The following SLC13A1 variants were observed in gnomAD, a reference collection of about 807,000 sequenced individuals.
The protein encoded by SLC13A1 is solute carrier family 13 member 1.
Under a neutral mutation model 70.0 loss-of-function variants are expected in SLC13A1, and 65 were observed. That is an observed-to-expected ratio of 0.93 (90% CI 0.76 to 1.14). The LOEUF (loss-of-function observed/expected upper bound fraction) is 1.14, where lower values mean the gene tolerates loss of function less well. SLC13A1 is among the 50% of genes most tolerant of loss of function. SLC13A1 has a pLI of 0.00. For missense variants in SLC13A1, 726 were observed against 717.8 expected (o/e 1.01, Z -0.13); for synonymous variants, 275 against 250.5 (o/e 1.10, Z -0.92).
intron 7 of SLC13A1, among the ~76,000 whole-genome samples, chr7:123,145,784 C>G (rs1794329479): frequency 6.6e-6 from 1 of 152,096 alleles, no homozygotes; most frequent in Non-Finnish European, 1.5e-5. Context: ...ACTCCTATAC[C>G]AGTGTTCGTT....
chr7:123,197,962 A>G (rs1329484424), intron 1 of SLC13A1, among the ~76,000 whole-genome samples: 2 of 152,168 alleles, frequency 1.3e-5, no homozygotes, highest in African/African-American at 4.8e-5. Flanking sequence ...AGAGCAGCAC[A>G]GATGATATGT....
intron 12 of SLC13A1, among the ~76,000 whole-genome samples, chr7:123,121,216 A>C (rs1033340391): frequency 6.6e-6 from 1 of 152,028 alleles, no homozygotes; most frequent in African/African-American, 2.4e-5. Context: ...TGGGGAAAGC[A>C]TCTGGGAAGC....
chr7:123,142,206 C>A lies in SLC13A1; in HGVS notation c.812+4953G>T, dbSNP rs539095040. ...CCTTTCCAAAGGCAGTGAAAGCTCA[C>A]CCCGTGTCCACTGCCACCACAGATC... On this transcript the variant is annotated intron_variant, in intron 7 of 14. Coordinates refer to ENST00000194130, the MANE Select transcript of SLC13A1 (RefSeq NM_022444.4). 2.6e-5 allele frequency among the ~76,000 whole-genome samples: 4 copies of A among 152,260 alleles called. No homozygotes were observed. In the South Asian group the frequency reaches 8.3e-4, roughly 32 times the overall value.
chr7:123,155,572 C>A (rs536109856), intron 6 of SLC13A1, among the ~76,000 whole-genome samples: 1 of 152,000 alleles, frequency 6.6e-6, no homozygotes, highest in Non-Finnish European at 1.5e-5. Context: ...ATAATTGAGG[C>A]TTTCATCAGA....
At chr7:123,166,775 T>C (rs906679417) in intron 6 of SLC13A1, among the ~76,000 whole-genome samples, 13 of 152,210 alleles carry the variant, frequency 8.5e-5, no homozygotes, top group Non-Finnish European at 1.3e-4. Flanking sequence ...CCACATTTTC[T>C]TAATCCAGTC....
chr7:123,178,557 C>G (rs1228691424), intron 2 of SLC13A1, among the ~76,000 whole-genome samples: 6 of 152,102 alleles, frequency 3.9e-5, no homozygotes, highest in Non-Finnish European at 7.4e-5. Context: ...ATCCCACTTA[C>G]AGATGATAAG....
chr7:123,158,528 A>G (rs1192691482), intron 6 of SLC13A1, among the ~76,000 whole-genome samples: 3 of 152,144 alleles, frequency 2.0e-5, no homozygotes, highest in African/African-American at 7.2e-5. Context: ...GAGAACTAGG[A>G]TGAGGCAATT....
intron 6 of SLC13A1, among the ~76,000 whole-genome samples, chr7:123,153,441 G>GC (rs1245866506): frequency 6.6e-6 from 1 of 151,930 alleles, no homozygotes; most frequent in Non-Finnish European, 1.5e-5. Context: ...TTTTAATCTA[G>GC]CCAGTAAACA....
chr7:123,126,074 A>G, intron 10 of SLC13A1, among the ~76,000 whole-genome samples: 1 of 152,222 alleles, frequency 6.6e-6, no homozygotes, highest in East Asian at 1.9e-4. Context: ...AAAGCCCCAT[A>G]TAATTGATTT....
chr7:123,135,850 A>G (rs1409647534), intron 7 of SLC13A1, among the ~76,000 whole-genome samples: 1 of 152,222 alleles, frequency 6.6e-6, no homozygotes, highest in East Asian at 1.9e-4. Context: ...ATTAGCTTAC[A>G]TATTTATGCA....
intron 11 of SLC13A1, among the ~76,000 whole-genome samples, chr7:123,123,453 G>A (rs1474220184): frequency 6.6e-6 from 1 of 151,900 alleles, no homozygotes; most frequent in Non-Finnish European, 1.5e-5. Context: ...AAAATCCTTT[G>A]GGTAATATTA....
At chr7:123,170,881 GATA>G (rs759437899) in intron 3 of SLC13A1, among the ~76,000 whole-genome samples, 31 of 151,464 alleles carry the variant, frequency 2.0e-4, no homozygotes, top group Non-Finnish European at 3.8e-4. Context: ...GCCCGGCCGA[GATA>G]ATGTCTTAAA....
intron 14 of SLC13A1, 133 bp downstream of exon 14, chr7:123,117,338 C>T (rs1793212884): frequency 2.4e-6 from 2 of 822,604 alleles, no homozygotes; most frequent in South Asian, 1.7e-5. Flanking sequence ...GTCATGCACA[C>T]TGCATTCATA....
chr7:123,138,129 G>T (rs1248052698), intron 7 of SLC13A1, among the ~76,000 whole-genome samples: 1 of 152,030 alleles, frequency 6.6e-6, no homozygotes, highest in African/African-American at 2.4e-5. Flanking sequence ...TAGTTCATTT[G>T]TTTTAATTTT....
At chr7:123,194,514 A>G (rs1350971665) in intron 1 of SLC13A1, among the ~76,000 whole-genome samples, 1 of 152,144 alleles carries the variant, frequency 6.6e-6, no homozygotes, top group Non-Finnish European at 1.5e-5. Context: ...GAACCATTGA[A>G]AAATTTTGAT....
At chr7:123,159,834 C>A (rs1461302564) in intron 6 of SLC13A1, among the ~76,000 whole-genome samples, 1 of 151,964 alleles carries the variant, frequency 6.6e-6, no homozygotes, top group Non-Finnish European at 1.5e-5. Flanking sequence ...AGAGGTAAAA[C>A]TTTTCAAACA....
rs187632799 is a variant in SLC13A1, at chr7:123,147,245, C to T, written c.726G>A (p.Leu242=). Reference sequence around the variant, plus strand: ...CAATGGTAGAAGAGTAGGCAATGCACAAACACGTAAGTTTACGTGTCACGT... The same window carrying T: ...CAATGGTAGAAGAGTAGGCAATGCATAAACACGTAAGTTTACGTGTCACGT... ...KGHVTRKLTC[L]CIAYSSTIGG... Residue 242 remains leucine, a synonymous_variant, in exon 7 of 15, where the codon TTG becomes TTA. Transcript: ENST00000194130. 35 of 1,613,708 alleles carry T rather than the reference C, an allele frequency of 2.2e-5. 1 individual carries two copies. In the Admixed American group the frequency reaches 5.3e-4, roughly 25 times the overall value.
At chr7:123,170,230 C>A (rs998065371) in intron 3 of SLC13A1, among the ~76,000 whole-genome samples, 1 of 152,114 alleles carries the variant, frequency 6.6e-6, no homozygotes, top group African/African-American at 2.4e-5. Context: ...AACAATACCA[C>A]ACTGTAAGTT....
At chr7:123,122,756 A>G (rs1175774693) in intron 12 of SLC13A1, among the ~76,000 whole-genome samples, 2 of 152,154 alleles carry the variant, frequency 1.3e-5, no homozygotes. Flanking sequence ...CAAATTCATA[A>G]TGAAATAAGG....
Sources: allele counts gnomAD v4.1 joint callset (sites outside exome capture counted in the v4.1 genomes callset), GRCh38; gene constraint gnomAD v4.1.1; transcripts MANE v1.5; gene names NCBI Gene and HGNC (gene_info 2026-07-23, HGNC 2026-07-21).